Variants in ZNF763 observed in about 807,000 individuals in gnomAD.
The protein encoded by ZNF763 is zinc finger protein 763.
A neutral mutation model predicts 38.0 loss-of-function variants in ZNF763; 33 were observed. The ratio of observed to expected loss-of-function variants is 0.87; its 90% CI spans 0.66 to 1.16. The LOEUF (loss-of-function observed/expected upper bound fraction) is 1.16, where lower values mean the gene tolerates loss of function less well. ZNF763 is among the 50% of genes most tolerant of loss of function. The pLI, the probability that ZNF763 is intolerant of heterozygous loss-of-function variation, is 0.00. For synonymous variants in ZNF763, 155 were observed against 160.1 expected, an observed-to-expected ratio of 0.97 and a Z score of 0.24; for missense variants, 423 against 469.1, an observed-to-expected ratio of 0.90 and a Z score of 0.91.
At chr19:11,969,166 G>A (rs1005699767) in intron 1 of ZNF763, among the ~76,000 whole-genome samples, 3 of 152,182 alleles carry the variant, frequency 2.0e-5, no homozygotes, top group African/African-American at 4.8e-5. Context: ...GTGCAGCGGC[G>A]TGATCTCAGC....
intron 1 of ZNF763, among the ~76,000 whole-genome samples, chr19:11,967,399 C>G (rs1973254793): frequency 6.6e-6 from 1 of 152,022 alleles, no homozygotes; most frequent in Non-Finnish European, 1.5e-5. Context: ...ACAGCAAGAC[C>G]CTGTCTCTAT....
At chr19:11,974,426 A>T (rs545994234) in intron 1 of ZNF763, among the ~76,000 whole-genome samples, 1 of 151,684 alleles carries the variant, frequency 6.6e-6, no homozygotes, top group African/African-American at 2.4e-5. Flanking sequence ...CAAATTTCTG[A>T]CCTCAGGTGA....
At chr19:11,969,333 G>A (rs894151986) in intron 1 of ZNF763, among the ~76,000 whole-genome samples, 1 of 152,204 alleles carries the variant, frequency 6.6e-6, no homozygotes, top group Non-Finnish European at 1.5e-5. Context: ...TTGAACTTCT[G>A]TCCTCAAGTG....
At chr19:11,966,476 C>G (rs1051085588) in intron 1 of ZNF763, among the ~76,000 whole-genome samples, 2 of 152,156 alleles carry the variant, frequency 1.3e-5, no homozygotes, top group South Asian at 2.1e-4. Context: ...TGGGTTCAAG[C>G]AATTCTCCTG....
Position 11,979,509 on chromosome 19 carries a change from G to C in ZNF763, c.*400G>C. 6.3e-7 allele frequency: 1 copy of C among 1,599,574 alleles called. No homozygotes were observed. The highest frequency in any genetic ancestry group is 8.5e-7 in the Non-Finnish European group (1 of 1,171,126). On this transcript the variant is annotated 3_prime_UTR_variant, in exon 4 of 4. Transcript: ENST00000358987. ...TTTTATTCTCCCACGTCATTTCAAA[G>C]ACATGAAAAAACTCACACTGCAGAG...
At chr19:11,974,299 C>T (rs577021916) in intron 1 of ZNF763, among the ~76,000 whole-genome samples, 3 of 150,880 alleles carry the variant, frequency 2.0e-5, no homozygotes. Flanking sequence ...CAGGTTGAAG[C>T]AATTCTCCTG....
rs1341038589 is a variant in ZNF763 at position 11,980,587 on chromosome 19, G to A, written c.*1478G>A. Among the ~76,000 whole-genome samples the A allele has an allele frequency of 2.0e-5, 3 of 152,072 alleles. No homozygotes were observed. Among genetic ancestry groups the A allele is most frequent in the Admixed American group, 6.6e-5 (1 of 15,260 alleles). On this transcript the variant is annotated 3_prime_UTR_variant, in exon 4 of 4. Coordinates refer to ENST00000358987, the MANE Select transcript of ZNF763 (RefSeq NM_001367172.2). Reference sequence around the variant, plus strand: ...TTTCAGGTTGGTTTAGTGAGTCACAGGAAGCTAATAAATTACAATAATAAT... The same window carrying A: ...TTTCAGGTTGGTTTAGTGAGTCACAAGAAGCTAATAAATTACAATAATAAT...
intron 1 of ZNF763, among the ~76,000 whole-genome samples, chr19:11,969,076 C>T (rs1222652485): frequency 3.3e-5 from 5 of 152,102 alleles, no homozygotes; most frequent in Non-Finnish European, 1.5e-5. Context: ...GATTCATCAG[C>T]TTAAATTTTT....
Position 11,978,466 on chromosome 19 carries a change from T to C in ZNF763, c.542T>C (p.Phe181Ser). ...PYACKECGKT[F>S]ISHSGIRRRM... is the part of the protein sequence containing the mutation. ...GCTTGTAAAGAATGTGGAAAAACCT[T>C]TATTTCCCATTCAGGCATTCGAAGA... Residue 181 changes from phenylalanine to serine, a missense_variant, in exon 4 of 4, where the codon TTT (phenylalanine) becomes TCT (serine). Transcript: ENST00000358987. 1.9e-6 allele frequency: 3 copies of C among 1,614,192 alleles called. No homozygotes were observed. Among genetic ancestry groups the C allele is most frequent in the East Asian group, 2.2e-5 (1 of 44,882 alleles).
intron 1 of ZNF763, among the ~76,000 whole-genome samples, chr19:11,972,081 A>C (rs1973363544): frequency 6.6e-6 from 1 of 151,946 alleles, no homozygotes; most frequent in Admixed American, 6.6e-5. Context: ...AAAAAAGAAA[A>C]GAAAAGAAAT....
chr19:11,975,207 T>G (rs1973459741), intron 1 of ZNF763, among the ~76,000 whole-genome samples: 1 of 151,802 alleles, frequency 6.6e-6, no homozygotes, highest in Non-Finnish European at 1.5e-5. Context: ...CAAGCGATTC[T>G]CCTGCCTCAG....
intron 1 of ZNF763, among the ~76,000 whole-genome samples, chr19:11,966,880 G>A (rs1432746656): frequency 6.6e-6 from 1 of 152,114 alleles, no homozygotes; most frequent in Non-Finnish European, 1.5e-5. Flanking sequence ...GAAAAACACA[G>A]ACTCTAGAGA....
At position 11,977,363 on chromosome 19, in the gene ZNF763, T is replaced by C. The variant is rs1422760722; in HGVS notation, c.131-8T>C. 7 of 1,613,734 alleles carry C rather than the reference T, an allele frequency of 4.3e-6. No individual in the cohort carries two copies. Among genetic ancestry groups the C allele is most frequent in the African/African-American group, 1.3e-5 (1 of 75,032 alleles). ...CTTCAGGACTACTTTTCTGTGTCTG[T>C]ATTTTAGGGAAAAAGTGGAAAGACC... On this transcript the variant is annotated splice_polypyrimidine_tract_variant and splice_region_variant and intron_variant, in intron 2 of 3. Coordinates refer to ENST00000358987, the MANE Select transcript of ZNF763 (RefSeq NM_001367172.2).
chr19:11,977,136 G>C lies in ZNF763; in HGVS notation c.102G>C (p.Leu34=). 1.2e-6 allele frequency: 2 copies of C among 1,614,064 alleles called. No individual in the cohort carries two copies. The highest frequency in any genetic ancestry group is 1.7e-6 in the Non-Finnish European group (2 of 1,180,004). The change falls in exon 2 of 4, where the codon CTG becomes CTC. Residue 34 remains leucine (L), a synonymous_variant. Transcript: ENST00000358987. ...GGAAACTCTACAGGGAAGTGATGCTGGAAACTTTCAGGAACCTGACCTCTA... is the reference window on the plus strand; with the variant it reads ...GGAAACTCTACAGGGAAGTGATGCTCGAAACTTTCAGGAACCTGACCTCTA... The part of the protein sequence containing the change: ...SQRKLYREVM[L]ETFRNLTSIG...
Position 11,977,577 on chromosome 19 carries a change from G to A in ZNF763, c.191+146G>A, listed in dbSNP as rs532069595. The A allele has an allele frequency of 5.5e-6, 6 of 1,090,678 alleles. No individual in the cohort carries two copies. In the East Asian group the frequency reaches 1.6e-4, roughly 29 times the overall value. The allele number at this position is 1,090,678 out of a possible 1,614,324, so 67.6% of individuals were successfully genotyped here. On this transcript the variant is annotated intron_variant, in intron 3 of 3. Transcript: ENST00000358987. ...TTCTCAAAATCATATATTTACATGTGACTAAGTCTGAGGGCTCACTCCTGT... is the reference window on the plus strand; with the variant it reads ...TTCTCAAAATCATATATTTACATGTAACTAAGTCTGAGGGCTCACTCCTGT...
At chr19:11,974,111 TTC>T (rs1491023351) in intron 1 of ZNF763, among the ~76,000 whole-genome samples, 3 of 79,178 alleles carry the variant, frequency 3.8e-5, no homozygotes, top group Non-Finnish European at 8.0e-5. Flanking sequence ...CTTTCTTTCT[TTC>T]TTTCTTTCTT....
intron 1 of ZNF763, among the ~76,000 whole-genome samples, chr19:11,971,089 T>C (rs1973341798): frequency 6.6e-6 from 1 of 152,234 alleles, no homozygotes; most frequent in Non-Finnish European, 1.5e-5. Context: ...TTCTCTATCT[T>C]AGTCATCTTG....
rs367702403 is a variant in ZNF763 at position 11,978,210 on chromosome 19, G to A, written c.286G>A (p.Glu96Lys). The change falls in exon 4 of 4, where the codon GAG becomes AAG. Residue 96 changes from glutamate to lysine, a missense_variant. Physicochemically the swap from Glu to Lys is moderately conservative, Grantham distance 56 (BLOSUM62 1). Transcript: ENST00000358987. ...QVPDDRLNFQ[E>K]KKASPEAKSC... is the part of the protein sequence containing the mutation. ...TCCAGATGACAGGCTGAACTTCCAGGAGAAGAAAGCTTCTCCTGAAGCAAA... is the reference window on the plus strand; with the variant it reads ...TCCAGATGACAGGCTGAACTTCCAGAAGAAGAAAGCTTCTCCTGAAGCAAA... 26 of 1,613,638 alleles carry A rather than the reference G, an allele frequency of 1.6e-5. No individual in the cohort carries two copies. Among genetic ancestry groups the A allele is most frequent in the Non-Finnish European group, 2.0e-5 (24 of 1,179,958 alleles).
At chr19:11,976,988 C>T (rs1973505943) in intron 1 of ZNF763, 50 bp from the exon 2 acceptor site, 2 of 1,610,672 alleles carry the variant, frequency 1.2e-6, no homozygotes, top group African/African-American at 1.3e-5. Flanking sequence ...TCTAGGCCCC[C>T]ACTGCTGTCA....
Sources: allele counts gnomAD v4.1 joint callset (sites outside exome capture counted in the v4.1 genomes callset), GRCh38; gene constraint gnomAD v4.1.1; transcripts MANE v1.5; gene names NCBI Gene and HGNC (gene_info 2026-07-23, HGNC 2026-07-21).